MAOA: variants seen among roughly 807,000 people sequenced by gnomAD.
The protein encoded by MAOA is monoamine oxidase A, also known as amine oxidase [flavin-containing] A.
In MAOA, 6 loss-of-function variants were observed where a neutral mutation model predicts 42.0. The observed-to-expected ratio is 0.14, with a 90% CI of 0.08 to 0.28. The LOEUF is 0.28. Ranked by LOEUF, MAOA falls within the 10% of genes least tolerant of loss-of-function variation. The pLI is 1.00. For synonymous variants in MAOA, 140 were observed against 154.0 expected (o/e 0.91, Z 0.67); for missense variants, 262 against 422.3 (o/e 0.62, Z 3.33).
At position 43,657,273 on chromosome X, in the gene MAOA, T is replaced by TTATATATATATATATGAACTGTGTTTA. The variant is rs1569187437; in HGVS notation, c.73+874_73+875insGAACTGTGTTTATATATATATATATAT. On this transcript the variant is annotated intron_variant, in intron 1 of 14. Coordinates refer to ENST00000338702, the MANE Select transcript of MAOA (RefSeq NM_000240.4). ...TTATATATATATATATGAACTGTGT[T>TTATATATATATATATGAACTGTGTTTA]TATATATATATATATATGAACTGTG... 4.9e-3 allele frequency among the ~76,000 whole-genome samples: 391 copies of TTATATATATATATATGAACTGTGTTTA among 79,407 alleles called. 34 individuals carry two copies. The highest frequency in any genetic ancestry group is 0.018 in the African/African-American group (369 of 20,578). The allele number at this position is 79,407 out of a possible 115,157, so 69.0% of individuals were successfully genotyped here.
At chrX:43,700,192 C>T (rs986656531) in intron 3 of MAOA, among the ~76,000 whole-genome samples, 25 of 111,948 alleles carry the variant, frequency 2.2e-4, no homozygotes, top group Non-Finnish European at 3.9e-4. Flanking sequence ...TCCCAATGGT[C>T]CTCAGAGTAA....
chrX:43,664,209 A>G (rs958669551), intron 1 of MAOA, among the ~76,000 whole-genome samples: 2 of 112,381 alleles, frequency 1.8e-5, no homozygotes, highest in African/African-American at 3.2e-5. Flanking sequence ...TACATTTGCT[A>G]TATTAGCTCT....
intron 5 of MAOA, among the ~76,000 whole-genome samples, chrX:43,714,736 C>T (rs766638008): frequency 1.2e-4 from 12 of 101,489 alleles, no homozygotes; most frequent in African/African-American, 4.3e-4. Context: ...CTAGGAATAG[C>T]CCACAGAGTC....
At chrX:43,719,608 G>T (rs1006997048) in intron 5 of MAOA, among the ~76,000 whole-genome samples, 4 of 110,991 alleles carry the variant, frequency 3.6e-5, no homozygotes, top group Admixed American at 2.9e-4. Flanking sequence ...GACCCACAGG[G>T]CAGGGGATAG....
At chrX:43,737,002 T>C (rs2033924988) in intron 10 of MAOA, among the ~76,000 whole-genome samples, 1 of 111,570 alleles carries the variant, frequency 9.0e-6, no homozygotes, top group African/African-American at 3.3e-5. Flanking sequence ...ATTTAAAAAA[T>C]TAAACAGCTA....
chrX:43,709,547 T>C (rs1157999867), intron 3 of MAOA, among the ~76,000 whole-genome samples: 2 of 111,465 alleles, frequency 1.8e-5, no homozygotes, highest in Non-Finnish European at 3.8e-5. Flanking sequence ...GCAATATTTA[T>C]GTTTTTTAAT....
At chrX:43,695,477 T>G (rs933612885) in intron 3 of MAOA, among the ~76,000 whole-genome samples, 8 of 111,788 alleles carry the variant, frequency 7.2e-5, no homozygotes, top group Non-Finnish European at 1.1e-4. Context: ...ACATCTGTAA[T>G]CCCAGCCCTT....
intron 2 of MAOA, among the ~76,000 whole-genome samples, chrX:43,685,727 C>T (rs2033482922): frequency 8.9e-6 from 1 of 112,008 alleles, no homozygotes; most frequent in Admixed American, 9.5e-5. Flanking sequence ...GGCCCTATCT[C>T]AGAACTGCTG....
chrX:43,718,646 C>T (rs1173740811), intron 5 of MAOA, among the ~76,000 whole-genome samples: 2 of 108,355 alleles, frequency 1.8e-5, no homozygotes, highest in East Asian at 2.9e-4. Context: ...GGCATGGTAT[C>T]GTTGTGGAAT....
intron 10 of MAOA, among the ~76,000 whole-genome samples, chrX:43,739,382 G>A (rs964037887): frequency 1.8e-5 from 2 of 111,592 alleles, no homozygotes; most frequent in Non-Finnish European, 3.8e-5. Flanking sequence ...CATGGAAAAT[G>A]GTAACAATAA....
At chrX:43,710,616 T>C (rs1426316396) in intron 3 of MAOA, among the ~76,000 whole-genome samples, 1 of 112,509 alleles carries the variant, frequency 8.9e-6, no homozygotes, top group Non-Finnish European at 1.9e-5. Flanking sequence ...TTTGGCCTTA[T>C]GAACATTTAC....
chrX:43,725,321 C>T (rs1045729855), intron 5 of MAOA, among the ~76,000 whole-genome samples: 6 of 111,839 alleles, frequency 5.4e-5, no homozygotes, highest in Non-Finnish European at 1.1e-4. Context: ...TTGTAGGTCT[C>T]TAAGAACTTG....
intron 1 of MAOA, among the ~76,000 whole-genome samples, chrX:43,669,992 G>A (rs1244455756): frequency 4.5e-5 from 5 of 111,415 alleles, no homozygotes; most frequent in African/African-American, 1.6e-4. Flanking sequence ...AAAACCATGA[G>A]GCTTAGAAAA....
intron 12 of MAOA, among the ~76,000 whole-genome samples, chrX:43,742,626 GTT>G (rs1404401095): frequency 1.8e-5 from 2 of 112,290 alleles, no homozygotes; most frequent in African/African-American, 6.5e-5. Flanking sequence ...GACTTGCTCA[GTT>G]ACAAGAGACA....
upstream of MAOA, chrX:43,656,129 C>A: frequency 2.3e-6 from 1 of 439,576 alleles, no homozygotes; most frequent in South Asian, 3.3e-5. Context: ...CAGCTCCCCC[C>A]GGGTATCAGC....
At chrX:43,671,345 C>G (rs1209996390) in intron 1 of MAOA, among the ~76,000 whole-genome samples, 1 of 110,710 alleles carries the variant, frequency 9.0e-6, no homozygotes, top group Non-Finnish European at 1.9e-5. Context: ...GACATTAGCC[C>G]TTTGTCAGAT....
Position 43,662,141 on chromosome X carries a change from G to C in MAOA, c.73+5727G>C, listed in dbSNP as rs2033238602. The stretch of plus-strand genomic sequence containing the variant: ...TACTGTGTGGTTTTGCAGTGATTAA[G>C]AAAAGCTTCCATTTAAGAAATGCCA... On this transcript the variant is annotated intron_variant, in intron 1 of 14. Coordinates refer to ENST00000338702, the MANE Select transcript of MAOA (RefSeq NM_000240.4). Among the ~76,000 whole-genome samples the C allele has an allele frequency of 3.6e-5, 4 of 111,430 alleles. No individual in the cohort carries two copies. In the Admixed American group the frequency reaches 3.8e-4, roughly 11 times the overall value.
intron 1 of MAOA, among the ~76,000 whole-genome samples, chrX:43,676,674 G>A (rs1009995485): frequency 9.0e-6 from 1 of 111,472 alleles, no homozygotes; most frequent in Non-Finnish European, 1.9e-5. Flanking sequence ...TCCACTGCAT[G>A]CCAGGTACTA....
intron 2 of MAOA, among the ~76,000 whole-genome samples, chrX:43,692,021 ACACACACACACACACACG>A (rs1390131915): frequency 3.3e-5 from 2 of 60,191 alleles, no homozygotes; most frequent in African/African-American, 6.4e-5. Context: ...ACACACACAC[ACACACACACACACACACG>A]CACGCACACA....
Sources: allele counts gnomAD v4.1 joint callset (sites outside exome capture counted in the v4.1 genomes callset), GRCh38; gene constraint gnomAD v4.1.1; transcripts MANE v1.5; gene names NCBI Gene and HGNC (gene_info 2026-07-23, HGNC 2026-07-21).